Variants in GANAB observed in about 807,000 individuals in gnomAD.
The protein encoded by GANAB is glucosidase II alpha subunit, also known as neutral alpha-glucosidase AB.
Under a neutral mutation model 129.9 loss-of-function variants are expected in GANAB, and 35 were observed. The observed-to-expected ratio is 0.27, with a 90% CI of 0.21 to 0.36. GANAB has a LOEUF of 0.36. Among genes scored for constraint, GANAB ranks in the 10% least tolerant of loss-of-function variants. GANAB has a pLI of 1.00. For missense variants in GANAB, 939 were observed against 1,221.0 expected, an observed-to-expected ratio of 0.77 and a Z score of 3.44; for synonymous variants, 482 against 451.8, an observed-to-expected ratio of 1.07 and a Z score of -0.85.
At chr11:62,632,472 C>T (rs1943733586) in intron 9 of GANAB, 93 bp downstream of exon 9, 3 of 980,892 alleles carry the variant, frequency 3.1e-6, no homozygotes, top group South Asian at 1.5e-5. Context: ...TTCTTAAACC[C>T]AGTCCCCAAA....
intron 7 of GANAB, 39 bp downstream of exon 7, chr11:62,633,145 G>T (rs748530098): frequency 6.2e-7 from 1 of 1,601,190 alleles, no homozygotes; most frequent in Non-Finnish European, 8.6e-7. Context: ...GCTTGGAAAG[G>T]AGCCCTGCAC....
chr11:62,646,076 G>A (rs954474535), intron 1 of GANAB, among the ~76,000 whole-genome samples: 1 of 152,230 alleles, frequency 6.6e-6, no homozygotes, highest in African/African-American at 2.4e-5. Flanking sequence ...GTGAAGACAA[G>A]GGCAGAGGAG....
In GANAB at chr11:62,639,646, C is replaced by G; in HGVS notation, c.124G>C (p.Glu42Gln). The change falls in exon 2 of 24, where the codon GAA becomes CAA. Residue 42 changes from glutamate to glutamine, a missense_variant. By Grantham distance (29) the Glu-to-Gln change is conservative. Around this residue, in one of 5 missense-constraint regions of GANAB, gnomAD observed 321 missense variants for 329.1 expected, o/e 0.98. Transcript: ENST00000356638. Reference sequence around the variant, plus strand: ...TCATACTTGCAGAAAGAACTCTCTTCACAGGTCTTAAAGTTGCTTCTATCC... The same window carrying G: ...TCATACTTGCAGAAAGAACTCTCTTGACAGGTCTTAAAGTTGCTTCTATCC... Reference protein sequence around the residue: ...AVDRSNFKTCEESSFCKRQRS... With the variant: ...AVDRSNFKTCQESSFCKRQRS... 8.1e-6 allele frequency: 13 copies of G among 1,612,164 alleles called. No individual in the cohort carries two copies. The highest frequency in any genetic ancestry group is 1.1e-5 in the South Asian group (1 of 91,046).
intron 1 of GANAB, among the ~76,000 whole-genome samples, chr11:62,640,314 A>G (rs1944180548): frequency 6.9e-6 from 1 of 144,256 alleles, no homozygotes; most frequent in Admixed American, 7.1e-5. Flanking sequence ...TGGGCGGATC[A>G]CGAGGTCAGG....
chr11:62,629,891 C>T lies in GANAB; in HGVS notation c.1660G>A (p.Val554Ile). Residue 554 changes from valine to isoleucine, a missense_variant, in exon 14 of 24, where the codon GTC becomes ATC. This residue lies in a region of GANAB where 147 missense variants were observed against 282.4 expected (regional missense o/e 0.52). Transcript: ENST00000356638. ...NEPSVFNGPE[V>I]TMLKDAQHYG... ...TGCTGGGCATCCTTGAGCATGGTGA[C>T]CTCAGGACCATTGAACACAGATGGT... The T allele has an allele frequency of 6.2e-7, 1 of 1,614,074 alleles. No individual in the cohort carries two copies. Among genetic ancestry groups the T allele is most frequent in the Middle Eastern group, 1.6e-4 (1 of 6,062 alleles).
chr11:62,638,842 G>A (rs2134527676), intron 4 of GANAB, 141 bp downstream of exon 4: 2 of 693,994 alleles, frequency 2.9e-6, no homozygotes, highest in South Asian at 1.9e-5. Context: ...AGAAGAGGTG[G>A]GGAAAGGTTG....
chr11:62,640,832 CAAA>C (rs36113826), intron 1 of GANAB, among the ~76,000 whole-genome samples: 22 of 74,766 alleles, frequency 2.9e-4, no homozygotes, highest in African/African-American at 1.0e-3. Flanking sequence ...AACTCCCTCT[CAAA>C]AAAAAAAAAA....
chr11:62,637,369 G>A (rs1376769432), intron 4 of GANAB, among the ~76,000 whole-genome samples: 1 of 152,164 alleles, frequency 6.6e-6, no homozygotes, highest in Non-Finnish European at 1.5e-5. Flanking sequence ...AGATCACGAT[G>A]TCAGGAGATC....
chr11:62,639,790 CAAAAGG>C, intron 1 of GANAB, 59 bp from the exon 2 acceptor site: 1 of 1,044,118 alleles, frequency 9.6e-7, no homozygotes, highest in Admixed American at 1.8e-5. Flanking sequence ...GGGCCCCCTT[CAAAAGG>C]AAAAGCTTCT....
chr11:62,640,060 C>A (rs1417624339), intron 1 of GANAB: 3 of 196,576 alleles, frequency 1.5e-5, no homozygotes, highest in Non-Finnish European at 3.1e-5. Flanking sequence ...ACGGTGAAAC[C>A]CTGTCTCTAC....
At chr11:62,632,841 G>A in intron 8 of GANAB, 96 bp from the exon 9 acceptor site, 1 of 1,098,796 alleles carries the variant, frequency 9.1e-7, no homozygotes, top group South Asian at 1.4e-5. Flanking sequence ...ATAAGCAAAG[G>A]CTCCTCTTGT....
At chr11:62,640,482 A>T (rs186984536) in intron 1 of GANAB, among the ~76,000 whole-genome samples, 1 of 145,940 alleles carries the variant, frequency 6.9e-6, no homozygotes, top group African/African-American at 2.6e-5. Context: ...GCAGTGAGTC[A>T]AGATCGCACC....
Position 62,632,616 on chromosome 11 carries a change from C to A in GANAB, c.945G>T (p.Trp315Cys). 1.2e-6 allele frequency: 2 copies of A among 1,614,068 alleles called. No individual in the cohort carries two copies. The highest frequency in any genetic ancestry group is 1.7e-6 in the Non-Finnish European group (2 of 1,179,978). The change falls in exon 9 of 24, where the codon TGG becomes TGT. Residue 315 changes from tryptophan (W) to cysteine (C), a missense_variant. By Grantham distance (215) the Trp-to-Cys change is radical. Coordinates refer to ENST00000356638, the MANE Select transcript of GANAB (RefSeq NM_198334.3). ...HNPHRDLGIFWLNAAETWVDI... is the reference protein window; with the variant it reads ...HNPHRDLGIFCLNAAETWVDI... ...CAACCCAGGTCTCTGCAGCATTGAG[C>A]CAGAAGATGCCCAAGTCGCGATGAG... is the stretch of plus-strand genomic sequence containing the variant.
chr11:62,630,646 A>C lies in GANAB; in HGVS notation c.1341T>G (p.Pro447=). The C allele has an allele frequency of 6.2e-7, 1 of 1,614,170 alleles. No homozygotes were observed. Among genetic ancestry groups the C allele is most frequent in the East Asian group, 2.2e-5 (1 of 44,880 alleles). Residue 447 remains proline, a synonymous_variant, in exon 11 of 24, where the codon CCT becomes CCG. Coordinates refer to ENST00000356638, the MANE Select transcript of GANAB (RefSeq NM_198334.3). The stretch of plus-strand genomic sequence containing the variant: ...AGCGCTCAAGCATGGTGCGGGGCTG[A>C]GGGAAGCGACTGGGGTCCCAGGTGA... ...RYFTWDPSRF[P]QPRTMLERLA... is the part of the protein sequence containing the mutation.
chr11:62,625,058 C>T lies in GANAB; in HGVS notation c.*757G>A, dbSNP rs570969276. ...TGACCATGATTCACTGAAACCACAA[C>T]TGATTTCTCCATCTTAAGTGCCCCT... On this transcript the variant is annotated 3_prime_UTR_variant, in exon 24 of 24. Transcript: ENST00000356638. 1.4e-5 allele frequency: 5 copies of T among 354,496 alleles called. No individual in the cohort carries two copies. In the Admixed American group the frequency reaches 1.6e-4, roughly 11 times the overall value. The allele number at this position is 354,496 out of a possible 1,614,324, so 22.0% of individuals were successfully genotyped here.
At chr11:62,632,490 T>G (rs979846617) in intron 9 of GANAB, 75 bp downstream of exon 9, 4 of 1,142,704 alleles carry the variant, frequency 3.5e-6, no homozygotes, top group Non-Finnish European at 3.9e-6. Context: ...AAATAGCTAA[T>G]GCCCCTAGTA....
Position 62,639,461 on chromosome 11 carries a change from C to CT in GANAB, c.149dup (p.Arg51GlufsTer22). 2 of 1,612,606 alleles carry CT rather than the reference C, an allele frequency of 1.2e-6. No individual in the cohort carries two copies. Among genetic ancestry groups the CT allele is most frequent in the Non-Finnish European group, 1.7e-6 (2 of 1,178,672 alleles). On this transcript the variant is annotated frameshift_variant, in exon 3 of 24. Transcript: ENST00000356638. LOFTEE classifies it high-confidence loss of function. The stretch of plus-strand genomic sequence containing the variant: ...GAGAGAGGCCTGGCCGTATGCTTCT[C>CT]TGTCGCCTGCCAAGTGAAGGGTTGG...
intron 1 of GANAB, among the ~76,000 whole-genome samples, chr11:62,645,123 A>G (rs1358485015): frequency 1.3e-5 from 2 of 152,136 alleles, no homozygotes; most frequent in Non-Finnish European, 2.9e-5. Context: ...AAATGCTACC[A>G]CAAAACTCCA....
intron 4 of GANAB, 115 bp downstream of exon 4, chr11:62,638,868 T>A (rs1284752236): frequency 4.2e-6 from 4 of 945,214 alleles, no homozygotes; most frequent in Non-Finnish European, 6.6e-6. Flanking sequence ...TATGGCAAGG[T>A]GCTATGCTAG....
Sources: gnomAD v4.1 joint callset for allele counts (sites outside exome capture counted in the v4.1 genomes callset) on GRCh38, gnomAD v4.1.1 for gene constraint, gnomAD v4.1.1 regional missense constraint, MANE v1.5 for transcripts, NCBI Gene and HGNC (gene_info 2026-07-23, HGNC 2026-07-21) for gene names.